The following PCDH11X variants were observed in gnomAD, a reference collection of about 807,000 sequenced individuals.
The protein encoded by PCDH11X is protocadherin-11 X-linked.
A neutral mutation model predicts 53.3 loss-of-function variants in PCDH11X; 18 were observed. That is an observed-to-expected ratio of 0.34 (90% confidence interval 0.23 to 0.50). The LOEUF is 0.50. Ranked by LOEUF, PCDH11X falls within the 20% of genes least tolerant of loss-of-function variation. The probability of loss-of-function intolerance (pLI) is 0.98; values close to 1 mark genes in which losing one functional copy is unlikely to be tolerated. For missense variants in PCDH11X, 570 were observed against 1,032.4 expected (o/e 0.55, Z 6.14); for synonymous variants, 279 against 393.3 (o/e 0.71, Z 3.44).
chrX:91,850,412 G>C (rs943328381), intron 5 of PCDH11X, among the ~76,000 whole-genome samples: 4 of 111,227 alleles, frequency 3.6e-5, no homozygotes, highest in African/African-American at 1.3e-4. Flanking sequence ...ATAACATATA[G>C]AGGCTGTGGA....
At position 91,926,105 on chromosome X, in the gene PCDH11X, CACACACACAT is replaced by C. The variant is rs1464964589; in HGVS notation, c.3033+46834_3033+46843del. ...ACACACACACACACACACACACACACACACACACATATATATATAGAAGGAGATTTATTAT... is the reference window on the plus strand; with the variant it reads ...ACACACACACACACACACACACACACATATATATAGAAGGAGATTTATTAT... On this transcript the variant is annotated intron_variant, in intron 6 of 10. Coordinates refer to ENST00000682573, the MANE Select transcript of PCDH11X (RefSeq NM_032968.5). 2.3e-3 allele frequency among the ~76,000 whole-genome samples: 236 copies of C among 102,199 alleles called. 2 individuals carry two copies. Among genetic ancestry groups the C allele is most frequent in the African/African-American group, 8.4e-3 (217 of 25,934 alleles). The allele number at this position is 102,199 out of a possible 115,157, so 88.7% of individuals were successfully genotyped here. A position where few individuals can be genotyped will look rare whatever the true frequency, so the allele number is the denominator to read the frequency against.
At chrX:92,470,708 A>G (rs1431890888) in intron 10 of PCDH11X, among the ~76,000 whole-genome samples, 4 of 111,602 alleles carry the variant, frequency 3.6e-5, no homozygotes, top group African/African-American at 1.3e-4. Flanking sequence ...TGAAATAATC[A>G]TATGATTTTT....
intron 7 of PCDH11X, among the ~76,000 whole-genome samples, chrX:92,238,552 G>A (rs2067210167): frequency 9.0e-6 from 1 of 110,758 alleles, no homozygotes; most frequent in Admixed American, 9.7e-5. Flanking sequence ...AGATAATATA[G>A]GTAACACAAG....
chrX:92,265,546 G>A (rs12014801), intron 8 of PCDH11X, among the ~76,000 whole-genome samples: 7,039 of 111,267 alleles, frequency 0.063, 380 homozygotes, highest in East Asian at 0.27. Context: ...TGTTCCAAGC[G>A]CTCTATGTTT....
chrX:92,505,462 T>C (rs1727274208), intron 10 of PCDH11X, among the ~76,000 whole-genome samples: 1 of 110,790 alleles, frequency 9.0e-6, no homozygotes, highest in Admixed American at 9.7e-5. Flanking sequence ...AGGGAGTCTT[T>C]CCTCATTGCT....
chrX:92,265,894 G>A (rs781135822), intron 8 of PCDH11X, among the ~76,000 whole-genome samples: 7 of 111,788 alleles, frequency 6.3e-5, no homozygotes, highest in East Asian at 5.6e-4. Flanking sequence ...TATATTTAAC[G>A]TTATAAAGGT....
chrX:92,127,729 G>A (rs1316934109), intron 6 of PCDH11X, among the ~76,000 whole-genome samples: 1 of 109,787 alleles, frequency 9.1e-6, no homozygotes, highest in African/African-American at 3.3e-5. Context: ...CACCATGTTA[G>A]CCAGCATGAT....
chrX:91,870,758 T>C (rs1268933545), intron 5 of PCDH11X, among the ~76,000 whole-genome samples: 1 of 110,236 alleles, frequency 9.1e-6, no homozygotes, highest in Non-Finnish European at 1.9e-5. Flanking sequence ...CAAAGGGAGA[T>C]GGTGTTTTCT....
At chrX:91,879,726 C>T in intron 6 of PCDH11X, 3 of 777,037 alleles carry the variant, frequency 3.9e-6, no homozygotes, top group Non-Finnish European at 4.5e-6. Context: ...TGTGGCTGTT[C>T]ACAGAAATTC....
At chrX:91,949,660 A>G (rs1222568931) in intron 6 of PCDH11X, among the ~76,000 whole-genome samples, 1 of 110,573 alleles carries the variant, frequency 9.0e-6, no homozygotes, top group East Asian at 2.9e-4. Context: ...ATTAAGTTAG[A>G]TTAAATGATC....
intron 8 of PCDH11X, among the ~76,000 whole-genome samples, chrX:92,297,160 C>A (rs1215101620): frequency 9.1e-6 from 1 of 109,575 alleles, no homozygotes; most frequent in Non-Finnish European, 1.9e-5. Flanking sequence ...AATTAGATAT[C>A]ATTTGCCAAT....
At chrX:92,071,150 T>G (rs930002827) in intron 6 of PCDH11X, among the ~76,000 whole-genome samples, 1 of 108,848 alleles carries the variant, frequency 9.2e-6, no homozygotes, top group Non-Finnish European at 1.9e-5. Flanking sequence ...ATTTCCTAGA[T>G]CTTGTAGGCA....
At chrX:91,825,307 C>T (rs996070669) in intron 4 of PCDH11X, among the ~76,000 whole-genome samples, 1 of 110,863 alleles carries the variant, frequency 9.0e-6, no homozygotes, top group Non-Finnish European at 1.9e-5. Flanking sequence ...TCTCAGACTG[C>T]TGTGCTAGCA....
At chrX:92,001,564 G>A (rs1328375629) in intron 6 of PCDH11X, among the ~76,000 whole-genome samples, 1 of 107,361 alleles carries the variant, frequency 9.3e-6, no homozygotes, top group African/African-American at 3.4e-5. Flanking sequence ...TGACGCCTGG[G>A]TTCAAGAGAT....
intron 7 of PCDH11X, among the ~76,000 whole-genome samples, chrX:92,233,831 A>AT (rs1477178937): frequency 8.9e-6 from 1 of 111,890 alleles, no homozygotes; most frequent in African/African-American, 3.2e-5. Context: ...AACTTTTAAT[A>AT]TTTTTTTCAC....
intron 8 of PCDH11X, among the ~76,000 whole-genome samples, chrX:92,376,396 T>C (rs1181235584): frequency 1.8e-5 from 2 of 112,205 alleles, no homozygotes; most frequent in African/African-American, 6.5e-5. Context: ...TAAGCAATTT[T>C]AGAGGAGCAT....
chrX:91,875,062 A>G (rs770765670), intron 5 of PCDH11X, among the ~76,000 whole-genome samples: 6 of 110,307 alleles, frequency 5.4e-5, no homozygotes, highest in South Asian at 3.8e-4. Flanking sequence ...GTGTGTGTGT[A>G]TATATCTGTT....
intron 6 of PCDH11X, among the ~76,000 whole-genome samples, chrX:92,167,942 G>T (rs1248794489): frequency 1.9e-5 from 2 of 107,773 alleles, no homozygotes; most frequent in Non-Finnish European, 3.8e-5. Flanking sequence ...GTGGTATAAA[G>T]GTTAACTGTT....
chrX:92,289,824 C>A (rs1190109068), intron 8 of PCDH11X, among the ~76,000 whole-genome samples: 4 of 110,835 alleles, frequency 3.6e-5, no homozygotes, highest in Non-Finnish European at 7.5e-5. Flanking sequence ...TAATGCAGAT[C>A]ATAATTTTCA....
Sources: allele counts gnomAD v4.1 joint callset (sites outside exome capture counted in the v4.1 genomes callset), GRCh38; gene constraint gnomAD v4.1.1; transcripts MANE v1.5; gene names NCBI Gene and HGNC (gene_info 2026-07-23, HGNC 2026-07-21).